The following RORA variants were observed in gnomAD, a reference collection of about 807,000 sequenced individuals.
RORA encodes the protein RAR related orphan receptor A, also known as nuclear receptor ROR-alpha.
RORA carries 7 observed loss-of-function variants against 69.5 expected under a neutral mutation model. The observed-to-expected ratio is 0.10, with a 90% CI of 0.06 to 0.19. The LOEUF (loss-of-function observed/expected upper bound fraction) is 0.19. Among genes scored for constraint, RORA ranks in the 10% least tolerant of loss-of-function variants. RORA has a pLI of 1.00. For synonymous variants in RORA, 261 were observed against 240.8 expected (o/e 1.08, Z -0.78); for missense variants, 457 against 663.0 (o/e 0.69, Z 3.41).
At chr15:60,994,075 T>C (rs1365936669) in intron 1 of RORA, among the ~76,000 whole-genome samples, 1 of 152,220 alleles carries the variant, frequency 6.6e-6, no homozygotes, top group Non-Finnish European at 1.5e-5. Flanking sequence ...TCTGGGCATA[T>C]TAAAAATTCA....
At chr15:61,026,460 G>A (rs561313097) in intron 1 of RORA, among the ~76,000 whole-genome samples, 61 of 152,210 alleles carry the variant, frequency 4.0e-4, no homozygotes, top group African/African-American at 1.3e-3. Context: ...TTAAACTTTC[G>A]GTATTTGGGT....
rs374084055 is a variant in RORA, at chr15:60,632,267, A to G, written c.196+46390T>C. On this transcript the variant is annotated intron_variant, in intron 2 of 10. Coordinates refer to ENST00000335670, the MANE Select transcript of RORA (RefSeq NM_134261.3). The stretch of plus-strand genomic sequence containing the variant: ...ACTACAGGAACCTGCCACTACACCC[A>G]GGTAATTTTTTTCTATTTTTAGTAG... Among the ~76,000 whole-genome samples, 59 of 152,112 alleles carry G rather than the reference A, an allele frequency of 3.9e-4. 1 individual carries two copies. In the East Asian group the frequency reaches 0.01, roughly 26 times the overall value.
chr15:60,979,843 C>T (rs1164063397), intron 1 of RORA, among the ~76,000 whole-genome samples: 1 of 152,146 alleles, frequency 6.6e-6, no homozygotes, highest in Non-Finnish European at 1.5e-5. Flanking sequence ...TTCTCTCTTT[C>T]TCTCTTCCAC....
intron 1 of RORA, among the ~76,000 whole-genome samples, chr15:61,047,008 C>G (rs1897061905): frequency 6.6e-6 from 1 of 152,254 alleles, no homozygotes; most frequent in Admixed American, 6.5e-5. Context: ...ACCGCTGAGG[C>G]AGCTCTACCT....
chr15:60,562,053 C>A (rs2067577039), intron 2 of RORA, among the ~76,000 whole-genome samples: 2 of 151,890 alleles, frequency 1.3e-5, no homozygotes, highest in Admixed American at 6.6e-5. Context: ...AAGCGATTCT[C>A]CTGCCTCAGC....
At chr15:61,081,924 C>T (rs2078548121) in intron 1 of RORA, among the ~76,000 whole-genome samples, 1 of 151,990 alleles carries the variant, frequency 6.6e-6, no homozygotes, top group South Asian at 2.1e-4. Context: ...TAAAAATTAG[C>T]CCTGGGAAAT....
chr15:61,080,643 G>A (rs1357567726), intron 1 of RORA, among the ~76,000 whole-genome samples: 2 of 152,166 alleles, frequency 1.3e-5, no homozygotes, highest in Non-Finnish European at 2.9e-5. Context: ...GTGTCACTTT[G>A]AGGCCTTTCT....
intron 1 of RORA, among the ~76,000 whole-genome samples, chr15:61,081,694 G>T (rs994079884): frequency 6.6e-6 from 1 of 151,900 alleles, no homozygotes; most frequent in African/African-American, 2.4e-5. Context: ...TGTAGTCCCA[G>T]CTACTGGGGA....
At chr15:60,971,949 C>T (rs1893729956) in intron 1 of RORA, among the ~76,000 whole-genome samples, 1 of 152,316 alleles carries the variant, frequency 6.6e-6, no homozygotes, top group East Asian at 1.9e-4. Context: ...CCTGAAGCTT[C>T]CTTGGCCCTC....
At chr15:60,738,293 A>G (rs1289580508) in intron 1 of RORA, among the ~76,000 whole-genome samples, 1 of 152,260 alleles carries the variant, frequency 6.6e-6, no homozygotes, top group Admixed American at 6.5e-5. Context: ...GTAAGAAGAA[A>G]GGAGGAGCAT....
chr15:60,592,662 G>A, intron 2 of RORA: 1 of 1,096,608 alleles, frequency 9.1e-7, no homozygotes. Context: ...GCGGGAGGCA[G>A]GCGCGCCCCA....
intron 1 of RORA, among the ~76,000 whole-genome samples, chr15:61,007,840 CATT>C (rs1325166431): frequency 6.8e-6 from 1 of 147,296 alleles, no homozygotes; most frequent in African/African-American, 2.5e-5. Context: ...ATATATATAA[CATT>C]AGCCTAATGT....
intron 2 of RORA, among the ~76,000 whole-genome samples, chr15:60,617,215 G>T (rs3784612): frequency 0.35 from 53,934 of 152,054 alleles, 10,658 homozygotes; most frequent in East Asian, 0.54. Context: ...ACAGTGCCTG[G>T]TATACAGTAG....
intron 1 of RORA, among the ~76,000 whole-genome samples, chr15:60,747,266 G>A (rs1293912538): frequency 2.0e-5 from 3 of 152,160 alleles, no homozygotes; most frequent in African/African-American, 4.8e-5. Flanking sequence ...AGGCAAGCTG[G>A]TGAGGAAGAT....
intron 1 of RORA, among the ~76,000 whole-genome samples, chr15:60,826,858 T>C (rs1457514224): frequency 6.6e-6 from 1 of 151,864 alleles, no homozygotes; most frequent in East Asian, 1.9e-4. Flanking sequence ...ATTTACTGTC[T>C]TCAGGTTTAG....
intron 2 of RORA, among the ~76,000 whole-genome samples, chr15:60,615,764 T>C (rs1217586920): frequency 6.6e-6 from 1 of 152,248 alleles, no homozygotes; most frequent in East Asian, 1.9e-4. Flanking sequence ...GTTCTTCAGA[T>C]GACAAGTCCT....
intron 1 of RORA, among the ~76,000 whole-genome samples, chr15:61,112,990 A>C (rs1234376967): frequency 1.3e-5 from 2 of 152,236 alleles, no homozygotes; most frequent in Non-Finnish European, 2.9e-5. Flanking sequence ...ATGTGAGCCC[A>C]AGGACGAGAA....
At position 60,531,304 on chromosome 15, in the gene RORA, C is replaced by T. The variant is rs996191350; in HGVS notation, c.282+462G>A. ...ATATGGACAAGTGGAGGCAATAGGACTGGAACTCAGGTCTTCCTGATAGCT... is the reference window on the plus strand; with the variant it reads ...ATATGGACAAGTGGAGGCAATAGGATTGGAACTCAGGTCTTCCTGATAGCT... On this transcript the variant is annotated intron_variant, in intron 3 of 10. Coordinates refer to ENST00000335670, the MANE Select transcript of RORA (RefSeq NM_134261.3). The surrounding 1 kb of genome is among the most constrained non-coding windows in gnomAD (Gnocchi z 4.8). 6.2e-6 allele frequency: 1 copy of T among 161,572 alleles called. No individual in the cohort carries two copies. The highest frequency in any genetic ancestry group is 6.5e-5 in the Admixed American group (1 of 15,342). The allele number at this position is 161,572 out of a possible 1,614,324, so 10.0% of individuals were successfully genotyped here. A position where few individuals can be genotyped will look rare whatever the true frequency, so the allele number is the denominator to read the frequency against.
intron 1 of RORA, among the ~76,000 whole-genome samples, chr15:61,005,994 G>T (rs1894901586): frequency 6.6e-6 from 1 of 151,860 alleles, no homozygotes; most frequent in Non-Finnish European, 1.5e-5. Context: ...TTTTGAGAAG[G>T]AGTCTCGCTC....
Sources: allele counts gnomAD v4.1 joint callset (sites outside exome capture counted in the v4.1 genomes callset), GRCh38; gene constraint gnomAD v4.1.1; non-coding constraint Gnocchi (gnomAD v3.1); transcripts MANE v1.5; gene names NCBI Gene and HGNC (gene_info 2026-07-23, HGNC 2026-07-21).